The following TOR1AIP1 variants were observed in gnomAD, a reference collection of about 807,000 sequenced individuals.
TOR1AIP1 encodes the protein torsin 1A interacting protein 1, also known as torsin-1A-interacting protein 1.
TOR1AIP1 carries 54 observed loss-of-function variants against 63.3 expected under a neutral mutation model. The ratio of observed to expected loss-of-function variants is 0.85; its 90% CI spans 0.69 to 1.07. The LOEUF is 1.07. Ranked by LOEUF, TOR1AIP1 falls within the 50% of genes least tolerant of loss-of-function variation. The pLI is 0.00. For synonymous variants in TOR1AIP1, 294 were observed against 273.5 expected (o/e 1.07, Z -0.74); for missense variants, 736 against 715.0 (o/e 1.03, Z -0.33).
chr1:179,916,339 C>T (rs1374787692), intron 9 of TOR1AIP1, among the ~76,000 whole-genome samples: 1 of 152,140 alleles, frequency 6.6e-6, no homozygotes, highest in African/African-American at 2.4e-5. Context: ...ATGGACCCCC[C>T]TCCCCACAAA....
chr1:179,884,276 A>G (rs1325791724), intron 1 of TOR1AIP1, among the ~76,000 whole-genome samples: 1 of 152,156 alleles, frequency 6.6e-6, no homozygotes, highest in Non-Finnish European at 1.5e-5. Context: ...AATATGTTAC[A>G]TTGTATTGAG....
At chr1:179,894,635 G>A (rs549053998) in intron 3 of TOR1AIP1, among the ~76,000 whole-genome samples, 9 of 152,104 alleles carry the variant, frequency 5.9e-5, no homozygotes, top group South Asian at 2.1e-4. Context: ...GTAGTGAGCC[G>A]AGATCGTGCC....
At chr1:179,895,933 A>C (rs1434028340) in intron 3 of TOR1AIP1, among the ~76,000 whole-genome samples, 1 of 152,090 alleles carries the variant, frequency 6.6e-6, no homozygotes, top group African/African-American at 2.4e-5. Context: ...AAAAAAACAA[A>C]AACAAAAAAC....
intron 5 of TOR1AIP1, among the ~76,000 whole-genome samples, chr1:179,901,972 C>T (rs970902372): frequency 8.0e-5 from 12 of 150,684 alleles, no homozygotes; most frequent in African/African-American, 2.7e-4. Flanking sequence ...TACTTTAGTC[C>T]TGCACTTTCC....
intron 2 of TOR1AIP1, among the ~76,000 whole-genome samples, chr1:179,888,788 T>C (rs1028963095): frequency 3.3e-5 from 5 of 152,228 alleles, no homozygotes; most frequent in African/African-American, 9.6e-5. Context: ...GCTATCCCTA[T>C]GCCATTGAAC....
At chr1:179,901,436 G>T in intron 5 of TOR1AIP1, 48 bp downstream of exon 5, 23 of 1,170,388 alleles carry the variant, frequency 2.0e-5, no homozygotes, top group South Asian at 1.3e-4. Flanking sequence ...AACTATCTTT[G>T]GTATTCCATG....
At chr1:179,901,900 T>TC (rs1384449506) in intron 5 of TOR1AIP1, among the ~76,000 whole-genome samples, 2 of 150,236 alleles carry the variant, frequency 1.3e-5, no homozygotes, top group African/African-American at 2.5e-5. Context: ...AACAAGACCC[T>TC]CCCCCCCAAA....
At chr1:179,912,707 C>G (rs559065532) in intron 8 of TOR1AIP1, among the ~76,000 whole-genome samples, 1 of 152,220 alleles carries the variant, frequency 6.6e-6, no homozygotes, top group African/African-American at 2.4e-5. Flanking sequence ...AATGAAATAT[C>G]CTAAGCTAAA....
At chr1:179,916,297 C>T (rs1271902475) in intron 9 of TOR1AIP1, among the ~76,000 whole-genome samples, 1 of 152,140 alleles carries the variant, frequency 6.6e-6, no homozygotes, top group East Asian at 1.9e-4. Flanking sequence ...AGTCAAATAA[C>T]ATCTTAGTGT....
Position 179,908,624 on chromosome 1 carries a change from T to TC in TOR1AIP1, c.862dup (p.Gln288ProfsTer17). On this transcript the variant is annotated frameshift_variant, in exon 8 of 10. Transcript: ENST00000606911. LOFTEE classifies it high-confidence loss of function. Reference sequence around the variant, plus strand: ...CTTCAGGCTCAGGATATCAAAAAACTCCCCAGGAATGGGCCCCACAAACTG... The same window carrying TC: ...CTTCAGGCTCAGGATATCAAAAAACTCCCCCAGGAATGGGCCCCACAAACTG... 6.2e-7 allele frequency: 1 copy of TC among 1,613,538 alleles called. No individual in the cohort carries two copies. Among genetic ancestry groups the TC allele is most frequent in the Non-Finnish European group, 8.5e-7 (1 of 1,179,626 alleles).
intron 7 of TOR1AIP1, 47 bp downstream of exon 7, chr1:179,907,911 CTCT>C: frequency 6.3e-6 from 4 of 636,566 alleles, no homozygotes; most frequent in Non-Finnish European, 9.3e-6. Flanking sequence ...CAATTCTTTT[CTCT>C]TTTTTTTTTT....
rs954810935 is a variant in TOR1AIP1, at chr1:179,888,504, A to G, written c.554-809A>G. 2.6e-5 allele frequency among the ~76,000 whole-genome samples: 4 copies of G among 152,202 alleles called. No individual in the cohort carries two copies. In the East Asian group the frequency reaches 7.7e-4, roughly 29 times the overall value. On this transcript the variant is annotated intron_variant, in intron 2 of 9. Transcript: ENST00000606911. ...TTAAAGATATCGATATAAGTTCTAAATACTTGATGTGTGAAATACTGAGAT... is the reference window on the plus strand; with the variant it reads ...TTAAAGATATCGATATAAGTTCTAAGTACTTGATGTGTGAAATACTGAGAT...
At chr1:179,888,147 C>A (rs912444450) in intron 2 of TOR1AIP1, among the ~76,000 whole-genome samples, 3 of 152,094 alleles carry the variant, frequency 2.0e-5, no homozygotes, top group African/African-American at 4.8e-5. Flanking sequence ...TAAAAGCAGA[C>A]AAACCAAAAA....
At chr1:179,883,504 G>A (rs978472864) in intron 1 of TOR1AIP1, 1 of 402,678 alleles carries the variant, frequency 2.5e-6, no homozygotes, top group Middle Eastern at 3.6e-4. Flanking sequence ...TGAGTTTAGT[G>A]AATTGATTTG....
chr1:179,913,038 C>G (rs1015788458), intron 8 of TOR1AIP1, among the ~76,000 whole-genome samples: 4 of 152,032 alleles, frequency 2.6e-5, no homozygotes, highest in Non-Finnish European at 5.9e-5. Flanking sequence ...TCCATTTCCT[C>G]TCTTAGATTT....
At chr1:179,909,815 T>G (rs1170728597) in intron 8 of TOR1AIP1, among the ~76,000 whole-genome samples, 1 of 152,076 alleles carries the variant, frequency 6.6e-6, no homozygotes. Context: ...CAGGTTGGAG[T>G]GCAGTGGCAC....
intron 5 of TOR1AIP1, among the ~76,000 whole-genome samples, chr1:179,903,166 G>A (rs1020135560): frequency 6.6e-6 from 1 of 151,910 alleles, no homozygotes; most frequent in Non-Finnish European, 1.5e-5. Context: ...CATGGTGATA[G>A]GTACCTATAG....
rs148856930 is a variant in TOR1AIP1 at position 179,890,308 on chromosome 1, AT to A, written c.610+940del. On this transcript the variant is annotated intron_variant, in intron 3 of 9. Transcript: ENST00000606911. ...TTCCTTGTTTTTTTGGCTCTTAAAG[AT>A]GCTTTATCATGGGAACTAAAAAGGA... 9.8e-3 allele frequency among the ~76,000 whole-genome samples: 1,498 copies of A among 152,320 alleles called. 27 individuals are homozygous for A. The highest frequency in any genetic ancestry group is 0.033 in the African/African-American group (1,371 of 41,566).
intron 3 of TOR1AIP1, among the ~76,000 whole-genome samples, chr1:179,894,880 A>G (rs780799638): frequency 9.2e-5 from 14 of 152,224 alleles, no homozygotes; most frequent in Non-Finnish European, 1.9e-4. Flanking sequence ...AGGAATAGCA[A>G]AATCTACAGG....
Sources: gnomAD v4.1 joint callset for allele counts (sites outside exome capture counted in the v4.1 genomes callset) on GRCh38, gnomAD v4.1.1 for gene constraint, MANE v1.5 for transcripts, NCBI Gene and HGNC (gene_info 2026-07-23, HGNC 2026-07-21) for gene names.